The following COL6A3 variants were observed in gnomAD, a reference collection of about 807,000 sequenced individuals.
The protein encoded by COL6A3 is collagen alpha-3(VI) chain.
In COL6A3, 137 loss-of-function variants were observed where a neutral mutation model predicts 274.1. The ratio of observed to expected loss-of-function variants is 0.50; its 90% CI spans 0.44 to 0.58. COL6A3 has a LOEUF of 0.58. COL6A3 is among the 20% of genes least tolerant of loss of function. COL6A3 has a pLI of 0.00. For synonymous variants in COL6A3, 1,650 were observed against 1,650.6 expected (o/e 1.00, Z 0.01); for missense variants, 3,950 against 4,124.9 (o/e 0.96, Z 1.16).
Position 237,333,472 on chromosome 2 carries a change from T to C in COL6A3, c.9306A>G (p.Glu3102=), listed in dbSNP as rs768913247. The part of the protein sequence containing the change: ...SSTINLMVST[E]PLALTETDIC... Reference sequence around the variant, plus strand: ...CACCTGTTTCAGTGAGAGCCAATGGTTCTGTGCTCACCATTAGATTGATGG... The same window carrying C: ...CACCTGTTTCAGTGAGAGCCAATGGCTCTGTGCTCACCATTAGATTGATGG... The change falls in exon 42 of 44, where the codon GAA becomes GAG. Residue 3102 remains glutamate, a synonymous_variant. Coordinates refer to ENST00000295550, the MANE Select transcript of COL6A3 (RefSeq NM_004369.4). 6.2e-7 allele frequency: 1 copy of C among 1,614,180 alleles called. No individual in the cohort carries two copies. The highest frequency in any genetic ancestry group is 8.5e-7 in the Non-Finnish European group (1 of 1,180,020).
chr2:237,369,215 G>A lies in COL6A3; in HGVS notation c.4286-38C>T. 2.5e-6 allele frequency: 4 copies of A among 1,600,800 alleles called. No homozygotes were observed. In the East Asian group the frequency reaches 8.9e-5, roughly 36 times the overall value. On this transcript the variant is annotated intron_variant, in intron 9 of 43. Coordinates refer to ENST00000295550, the MANE Select transcript of COL6A3 (RefSeq NM_004369.4). ...GAAGAAAAAGGGAAACATTCAGTGT[G>A]TAAGTAGCCCTCACCCAGGTTTGGT...
intron 42 of COL6A3, among the ~76,000 whole-genome samples, chr2:237,330,430 T>C (rs750662054): frequency 2.6e-5 from 4 of 152,214 alleles, no homozygotes; most frequent in African/African-American, 4.8e-5. Context: ...GGAGCATAAT[T>C]CTTTTAGATG....
rs903234369 is a variant in COL6A3 at position 237,342,365 on chromosome 2, C to T, written c.7669-204G>A. The T allele has an allele frequency of 6.7e-6, 4 of 599,074 alleles. No homozygotes were observed. The African/African-American group carries it at 7.4e-5, about 11-fold the overall frequency. 37.1% of individuals were successfully genotyped at this position (599,074 alleles called of 1,614,324 possible). The stretch of plus-strand genomic sequence containing the variant: ...ATAGGTTTTATTCTACTAGGGTGAG[C>T]TGGAGTTCATATCCCGTTCAAATGG... On this transcript the variant is annotated intron_variant, in intron 36 of 43. Coordinates refer to ENST00000295550, the MANE Select transcript of COL6A3 (RefSeq NM_004369.4).
chr2:237,346,461 C>T (rs370480370), intron 32 of COL6A3, 42 bp downstream of exon 32: 45 of 1,586,848 alleles, frequency 2.8e-5, no homozygotes, highest in Non-Finnish European at 3.9e-5. Flanking sequence ...GTGTAAAGCA[C>T]CCAGCCCCAG....
In COL6A3 at chr2:237,387,973, A is replaced by C. The variant is rs749063482; in HGVS notation, c.921T>G (p.Gly307=). The change falls in exon 4 of 44, where the codon GGT becomes GGG. Residue 307 remains glycine, a synonymous_variant. Transcript: ENST00000295550. The part of the protein sequence containing the change: ...DTYSTKAQVL[G]AVKALGFAGG... ...CAGCAAACCCGAGGGCTTTCACTGC[A>C]CCCAGAACCTGGGCCTTGGTGGAGT... The C allele has an allele frequency of 6.2e-7, 1 of 1,614,164 alleles. No homozygotes were observed.
chr2:237,326,490 C>T (rs1041877686), intron 42 of COL6A3: 6 of 152,200 alleles, frequency 3.9e-5, no homozygotes, highest in African/African-American at 1.2e-4. Flanking sequence ...AAGGTCCCCT[C>T]GACGCCTGGA....
In COL6A3 at chr2:237,394,808, G is replaced by C; in HGVS notation, c.488C>G (p.Ala163Gly). Residue 163 changes from alanine (A) to glycine (G), a missense_variant, in exon 3 of 44, where the codon GCG (alanine) becomes GGG (glycine). Physicochemically the swap from Ala to Gly is moderately conservative, Grantham distance 60. Around this residue, in one of 5 missense-constraint regions of COL6A3, gnomAD observed 1,934 missense variants for 1,984.3 expected, o/e 0.97. Transcript: ENST00000295550. ...GTTAACATCAGCAGACTTAAGTTCC[G>C]CTGAGGGCAGAGCAAGGCCATCCTT... ...HSKDGLALPS[A>G]ELKSADVNVF... is the part of the protein sequence containing the mutation. 6.2e-7 allele frequency: 1 copy of C among 1,614,154 alleles called. No homozygotes were observed. The highest frequency in any genetic ancestry group is 8.5e-7 in the Non-Finnish European group (1 of 1,180,046).
rs182359746 is a variant in COL6A3, at chr2:237,341,262, C to T, written c.7766-112G>A. ...TAAAATGATCACATAAGATCAAAAG[C>T]GGGCCGGAAGCGGTGGCTCACGCCT... On this transcript the variant is annotated intron_variant, in intron 37 of 43. Coordinates refer to ENST00000295550, the MANE Select transcript of COL6A3 (RefSeq NM_004369.4). 7.3e-5 allele frequency: 84 copies of T among 1,144,944 alleles called. No individual in the cohort carries two copies. The African/African-American group carries it at 1.1e-3, about 14-fold the overall frequency. 70.9% of individuals were successfully genotyped at this position (1,144,944 alleles called of 1,614,324 possible). A position where few individuals can be genotyped will look rare whatever the true frequency, so the allele number is the denominator to read the frequency against.
rs759865150 is a variant in COL6A3 at position 237,377,223 on chromosome 2, G to A, written c.2619C>T (p.Thr873=). ...CGCTGTACTGAGCCACCGCAATTCG[G>A]GTCCCCTCTGGCTTCACATTGAGCT... ...IDELNVKPEG[T]RIAVAQYSDD... Residue 873 remains threonine (T), a synonymous_variant, in exon 7 of 44, where the codon ACC becomes ACT. Transcript: ENST00000295550. 1 of 1,613,124 alleles carries A rather than the reference G, an allele frequency of 6.2e-7. No individual in the cohort carries two copies. The highest frequency in any genetic ancestry group is 1.3e-5 in the African/African-American group (1 of 74,890).
rs749335044 is a variant in COL6A3 at position 237,394,821 on chromosome 2, C to T, written c.475G>A (p.Ala159Thr). The T allele has an allele frequency of 3.1e-6, 5 of 1,614,190 alleles. No individual in the cohort carries two copies. In the South Asian group the frequency reaches 5.5e-5, roughly 18 times the overall value. Residue 159 changes from alanine (A) to threonine (T), a missense_variant, in exon 3 of 44, where the codon GCT becomes ACT. Ala to Thr is a moderately conservative substitution (Grantham distance 58, BLOSUM62 0). This residue lies in a region of COL6A3 where 1,934 missense variants were observed against 1,984.3 expected (regional missense o/e 0.97). Coordinates refer to ENST00000295550, the MANE Select transcript of COL6A3 (RefSeq NM_004369.4). ...GACTTAAGTTCCGCTGAGGGCAGAGCAAGGCCATCCTTCGAGTGTCCATCA... is the reference window on the plus strand; with the variant it reads ...GACTTAAGTTCCGCTGAGGGCAGAGTAAGGCCATCCTTCGAGTGTCCATCA... ...LTDGHSKDGL[A>T]LPSAELKSAD...
chr2:237,397,143 G>T (rs985762541), intron 1 of COL6A3, among the ~76,000 whole-genome samples: 4 of 138,646 alleles, frequency 2.9e-5, no homozygotes, highest in Non-Finnish European at 6.3e-5. Context: ...GGAAGGAGAA[G>T]GGAAGGGAAG....
chr2:237,378,974 C>A lies in COL6A3; in HGVS notation c.2159G>T (p.Gly720Val), dbSNP rs371336750. The change falls in exon 6 of 44, where the codon GGC becomes GTC. Residue 720 changes from glycine to valine, a missense_variant. Physicochemically the swap from Gly to Val is moderately radical, Grantham distance 109. Transcript: ENST00000295550. ...QLQGGSGLNT[G>V]SALSYVYANH... ...GGCATAGACATAGCTTAGGGCTGAG[C>A]CTGTGTTCAGGCCCGAACCTCCCTG... 1.9e-6 allele frequency: 3 copies of A among 1,614,086 alleles called. No individual in the cohort carries two copies. The highest frequency in any genetic ancestry group is 2.7e-5 in the African/African-American group (2 of 74,926).
At chr2:237,348,986 T>C (rs993173742) in intron 28 of COL6A3, among the ~76,000 whole-genome samples, 2 of 152,196 alleles carry the variant, frequency 1.3e-5, no homozygotes, top group African/African-American at 4.8e-5. Context: ...AATCTTAGAA[T>C]TGACAGGAAT....
chr2:237,359,167 G>A (rs776076555), intron 19 of COL6A3, 39 bp downstream of exon 19: 16 of 1,613,940 alleles, frequency 9.9e-6, no homozygotes, highest in Non-Finnish European at 1.0e-5. Flanking sequence ...GGAATCTTCA[G>A]AACCAAAAGC....
At chr2:237,391,850 G>C (rs138799493) in intron 3 of COL6A3, among the ~76,000 whole-genome samples, 2 of 152,238 alleles carry the variant, frequency 1.3e-5, no homozygotes, top group East Asian at 3.9e-4. Flanking sequence ...TTATTATCCC[G>C]ATATTCCGAA....
intron 42 of COL6A3, among the ~76,000 whole-genome samples, chr2:237,330,344 G>C (rs1039156): frequency 0.17 from 26,557 of 152,008 alleles, 2,421 homozygotes; most frequent in Non-Finnish European, 0.21. Context: ...CTTTCAGGAG[G>C]CCACGGTAAC....
At position 237,359,983 on chromosome 2, in the gene COL6A3, A is replaced by G. The variant is rs1351720335; in HGVS notation, c.6282+105T>C. On this transcript the variant is annotated intron_variant, in intron 17 of 43. Transcript: ENST00000295550. ...AGAGGTCACGGGCTGCTGAATGCTG[A>G]GGTCAAGAAGCCTGGACCAGCGCCT... 2.5e-4 allele frequency: 298 copies of G among 1,173,096 alleles called. 1 individual carries two copies. The highest frequency in any genetic ancestry group is 5.0e-6 in the Non-Finnish European group (4 of 795,262). 72.7% of individuals were successfully genotyped at this position (1,173,096 alleles called of 1,614,324 possible).
intron 1 of COL6A3, among the ~76,000 whole-genome samples, chr2:237,397,871 C>T (rs2078490398): frequency 6.6e-6 from 1 of 152,178 alleles, no homozygotes; most frequent in Non-Finnish European, 1.5e-5. Flanking sequence ...AAAAGCTATG[C>T]AATTAAACCT....
At chr2:237,389,854 T>G (rs1003902291) in intron 3 of COL6A3, among the ~76,000 whole-genome samples, 1 of 152,240 alleles carries the variant, frequency 6.6e-6, no homozygotes, top group Non-Finnish European at 1.5e-5. Flanking sequence ...TTTTTAGTAA[T>G]TGCCACACAA....
Sources: gnomAD v4.1 joint callset for allele counts (sites outside exome capture counted in the v4.1 genomes callset) on GRCh38, gnomAD v4.1.1 for gene constraint, gnomAD v4.1.1 regional missense constraint, MANE v1.5 for transcripts, NCBI Gene and HGNC (gene_info 2026-07-23, HGNC 2026-07-21) for gene names.